The following PACSIN2 variants were observed in gnomAD, a reference collection of about 807,000 sequenced individuals.
PACSIN2 encodes the protein protein kinase C and casein kinase substrate in neurons 2.
In PACSIN2, 25 loss-of-function variants were observed where a neutral mutation model predicts 63.8. That is an observed-to-expected ratio of 0.39 (90% confidence interval 0.29 to 0.55). The LOEUF is 0.55. Among genes scored for constraint, PACSIN2 ranks in the 20% least tolerant of loss-of-function variants. The pLI is 0.62. For synonymous variants in PACSIN2, 255 were observed against 256.2 expected (o/e 1.00, Z 0.05); for missense variants, 518 against 646.9 (o/e 0.80, Z 2.16).
At chr22:43,006,680 T>C (rs1924110662) in intron 1 of PACSIN2, among the ~76,000 whole-genome samples, 1 of 152,084 alleles carries the variant, frequency 6.6e-6, no homozygotes, top group Non-Finnish European at 1.5e-5. Flanking sequence ...CCCGGCATGA[T>C]GGCGCATGCC....
intron 1 of PACSIN2, among the ~76,000 whole-genome samples, chr22:42,963,244 A>G (rs1920929300): frequency 2.0e-5 from 3 of 152,254 alleles, no homozygotes. Context: ...CAAATAAATA[A>G]AATGAGGGAC....
intron 1 of PACSIN2, among the ~76,000 whole-genome samples, chr22:42,958,132 A>T (rs1439220430): frequency 6.6e-6 from 1 of 152,150 alleles, no homozygotes; most frequent in Non-Finnish European, 1.5e-5. Flanking sequence ...TATTCATCTT[A>T]AGATAATAAT....
chr22:42,905,498 G>A (rs1931011128), intron 2 of PACSIN2, among the ~76,000 whole-genome samples: 1 of 152,252 alleles, frequency 6.6e-6, no homozygotes, highest in Admixed American at 6.5e-5. Flanking sequence ...AGCAAGTGCT[G>A]TCCCTGGCCT....
At chr22:42,890,471 A>G (rs1406264370) in intron 4 of PACSIN2, among the ~76,000 whole-genome samples, 1 of 152,010 alleles carries the variant, frequency 6.6e-6, no homozygotes, top group Non-Finnish European at 1.5e-5. Context: ...TAATTCCAGC[A>G]CTTTGGGAGG....
intron 1 of PACSIN2, among the ~76,000 whole-genome samples, chr22:42,951,743 A>T (rs1324882457): frequency 2.0e-5 from 3 of 152,058 alleles, no homozygotes; most frequent in Admixed American, 6.5e-5. Flanking sequence ...ACTAAACTCA[A>T]ATCTTGCCAA....
chr22:42,904,636 GA>G (rs1372985657), intron 2 of PACSIN2, among the ~76,000 whole-genome samples: 1 of 152,190 alleles, frequency 6.6e-6, no homozygotes, highest in Non-Finnish European at 1.5e-5. Flanking sequence ...CGCCAGCTGG[GA>G]AAAGCTGGAG....
chr22:42,887,263 T>A (rs898883583), intron 5 of PACSIN2, among the ~76,000 whole-genome samples: 20 of 152,260 alleles, frequency 1.3e-4, no homozygotes, highest in Admixed American at 1.3e-3. Flanking sequence ...CTCGTGTAGA[T>A]GACGTGTTCC....
At chr22:42,881,458 C>T (rs1337242622) in intron 7 of PACSIN2, among the ~76,000 whole-genome samples, 5 of 152,166 alleles carry the variant, frequency 3.3e-5, no homozygotes, top group South Asian at 2.1e-4. Context: ...GGGGAAGCCA[C>T]GAGGCCCACG....
intron 2 of PACSIN2, among the ~76,000 whole-genome samples, chr22:42,906,422 C>T (rs1471994902): frequency 6.6e-6 from 1 of 152,186 alleles, no homozygotes; most frequent in East Asian, 1.9e-4. Flanking sequence ...GTGAAAACCA[C>T]CCATTTAAAA....
At chr22:42,956,296 T>C (rs987584724) in intron 1 of PACSIN2, among the ~76,000 whole-genome samples, 9 of 152,262 alleles carry the variant, frequency 5.9e-5, no homozygotes, top group African/African-American at 2.2e-4. Flanking sequence ...TAAAGATTTA[T>C]GTCTTATGAT....
chr22:42,966,863 C>T (rs1920963998), intron 1 of PACSIN2, among the ~76,000 whole-genome samples: 1 of 152,152 alleles, frequency 6.6e-6, no homozygotes, highest in East Asian at 1.9e-4. Context: ...CCTGGTGAGT[C>T]TGTGGGTATT....
At chr22:42,908,694 C>T (rs1931248011) in intron 2 of PACSIN2, among the ~76,000 whole-genome samples, 1 of 152,234 alleles carries the variant, frequency 6.6e-6, no homozygotes, top group Non-Finnish European at 1.5e-5. Context: ...TCCCATTTTG[C>T]TCCAAAACTG....
At chr22:42,984,411 C>G (rs554287414) in intron 1 of PACSIN2, among the ~76,000 whole-genome samples, 691 of 152,328 alleles carry the variant, frequency 4.5e-3, no homozygotes, top group Non-Finnish European at 8.0e-3. Flanking sequence ...AAGAAATGCT[C>G]TAGGCCCTCG....
At chr22:42,991,467 A>C (rs73176896) in intron 1 of PACSIN2, among the ~76,000 whole-genome samples, 12,752 of 152,230 alleles carry the variant, frequency 0.084, 716 homozygotes, top group Non-Finnish European at 0.13. Context: ...GCAAGCCTCT[A>C]GTCACCTCTG....
intron 1 of PACSIN2, among the ~76,000 whole-genome samples, chr22:42,988,025 C>T (rs1922760378): frequency 6.6e-6 from 1 of 152,012 alleles, no homozygotes; most frequent in African/African-American, 2.4e-5. Context: ...CCTGTAGTCC[C>T]AGCTACTTGG....
chr22:43,005,695 C>G (rs117682154), intron 1 of PACSIN2, among the ~76,000 whole-genome samples: 1 of 152,144 alleles, frequency 6.6e-6, no homozygotes, highest in Non-Finnish European at 1.5e-5. Flanking sequence ...AATTCACTTA[C>G]GTAGACTGAT....
intron 1 of PACSIN2, among the ~76,000 whole-genome samples, chr22:42,929,932 C>A (rs1202706937): frequency 6.6e-6 from 1 of 152,210 alleles, no homozygotes; most frequent in Non-Finnish European, 1.5e-5. Context: ...GTGTTCCTCT[C>A]ACACAGGGCT....
chr22:42,950,314 G>C (rs550678694), intron 1 of PACSIN2, among the ~76,000 whole-genome samples: 4 of 79,464 alleles, frequency 5.0e-5, no homozygotes, highest in Non-Finnish European at 7.9e-5. Flanking sequence ...GGTATCCTTT[G>C]GAGGGTCCTG....
chr22:42,885,055 C>T (rs1444568904), intron 5 of PACSIN2, among the ~76,000 whole-genome samples: 4 of 152,186 alleles, frequency 2.6e-5, no homozygotes, highest in African/African-American at 9.7e-5. Context: ...CAAAAAAAGT[C>T]CTCCTTCTCT....
Sources: gnomAD v4.1 joint callset for allele counts (sites outside exome capture counted in the v4.1 genomes callset) on GRCh38, gnomAD v4.1.1 for gene constraint, MANE v1.5 for transcripts, NCBI Gene and HGNC (gene_info 2026-07-23, HGNC 2026-07-21) for gene names.